RPH3A: variants seen among roughly 807,000 people sequenced by gnomAD.
RPH3A encodes the protein rabphilin 3A.
RPH3A carries 48 observed loss-of-function variants against 102.2 expected under a neutral mutation model. The ratio of observed to expected loss-of-function variants is 0.47; its 90% CI spans 0.37 to 0.60. The LOEUF is 0.60. Ranked by LOEUF, RPH3A falls within the 20% of genes least tolerant of loss-of-function variation. RPH3A has a pLI of 0.00. For missense variants in RPH3A, 781 were observed against 910.1 expected, an observed-to-expected ratio of 0.86 and a Z score of 1.83; for synonymous variants, 310 against 324.3, an observed-to-expected ratio of 0.96 and a Z score of 0.47.
intron 1 of RPH3A, among the ~76,000 whole-genome samples, chr12:112,592,949 A>C (rs974633192): frequency 2.6e-5 from 4 of 152,180 alleles, no homozygotes; most frequent in African/African-American, 4.8e-5. Context: ...TGAAGGCCTC[A>C]TGGTGAAAAT....
Position 112,875,681 on chromosome 12 carries a change from A to G in RPH3A, c.886A>G (p.Thr296Ala). The change falls in exon 12 of 22, where the codon ACC becomes GCC. Residue 296 changes from threonine (T) to alanine (A), a missense_variant and splice_region_variant. By Grantham distance (58) the Thr-to-Ala change is moderately conservative. Around this residue, in one of 2 missense-constraint regions of RPH3A, gnomAD observed 730 missense variants for 810.0 expected, o/e 0.90. Coordinates refer to ENST00000389385, the MANE Select transcript of RPH3A (RefSeq NM_001143854.2). The stretch of plus-strand genomic sequence containing the variant: ...GTTTGTCTCCTCTCCCTGCTCAGGG[A>G]CCCCAGGAGGAAGCAGACCGGGTCC... ...PAPPQPGQPG[T>A]PGGSRPGPGP... 6.2e-7 allele frequency: 1 copy of G among 1,613,200 alleles called. No homozygotes were observed. Among genetic ancestry groups the G allele is most frequent in the Non-Finnish European group, 8.5e-7 (1 of 1,179,582 alleles).
At chr12:112,825,194 T>G (rs560096460) in intron 2 of RPH3A, among the ~76,000 whole-genome samples, 2 of 152,134 alleles carry the variant, frequency 1.3e-5, no homozygotes, top group African/African-American at 4.8e-5. Flanking sequence ...ACAGGAGCTG[T>G]CTCTCCTTTC....
intron 2 of RPH3A, among the ~76,000 whole-genome samples, chr12:112,818,578 G>A (rs2041721037): frequency 6.6e-6 from 1 of 152,082 alleles, no homozygotes; most frequent in South Asian, 2.1e-4. Context: ...CATAGTTCCA[G>A]CAAAAGACCA....
intron 1 of RPH3A, among the ~76,000 whole-genome samples, chr12:112,672,815 G>T (rs1403803329): frequency 6.6e-6 from 1 of 152,172 alleles, no homozygotes; most frequent in Non-Finnish European, 1.5e-5. Context: ...CGCTTCCGAA[G>T]AGACCTTGCA....
intron 1 of RPH3A, among the ~76,000 whole-genome samples, chr12:112,715,905 G>A (rs772954241): frequency 2.0e-5 from 3 of 152,164 alleles, no homozygotes; most frequent in Non-Finnish European, 4.4e-5. Flanking sequence ...GCTAAACAAG[G>A]GGTGGATTAT....
At position 112,846,870 on chromosome 12, in the gene RPH3A, C is replaced by T. The variant is rs545274501; in HGVS notation, c.84-826C>T. Among the ~76,000 whole-genome samples, 45 of 152,324 alleles carry T rather than the reference C, an allele frequency of 3.0e-4. 1 individual carries two copies. The highest frequency in any genetic ancestry group is 1.0e-3 in the African/African-American group (43 of 41,574). ...CCGGGGCCACAGATCCCATTCTTTC[C>T]GTCTCATGGAGGGTAACTGTGCAGG... On this transcript the variant is annotated intron_variant, in intron 4 of 21. Transcript: ENST00000389385.
intron 4 of RPH3A, among the ~76,000 whole-genome samples, chr12:112,843,970 G>A (rs957502104): frequency 1.3e-5 from 2 of 152,098 alleles, no homozygotes; most frequent in African/African-American, 4.8e-5. Flanking sequence ...AGGGATATTG[G>A]CACACCAAAT....
At chr12:112,599,871 G>T (rs2039546222) in intron 1 of RPH3A, among the ~76,000 whole-genome samples, 1 of 152,148 alleles carries the variant, frequency 6.6e-6, no homozygotes, top group African/African-American at 2.4e-5. Flanking sequence ...TGGTTAATAG[G>T]CACATCATTT....
intron 1 of RPH3A, among the ~76,000 whole-genome samples, chr12:112,621,356 G>T (rs528740818): frequency 6.7e-6 from 1 of 150,014 alleles, no homozygotes; most frequent in African/African-American, 2.5e-5. Context: ...TGCGCGCACC[G>T]TGCGCGAGCC....
At chr12:112,721,725 A>T (rs2040552342) in intron 1 of RPH3A, among the ~76,000 whole-genome samples, 1 of 150,856 alleles carries the variant, frequency 6.6e-6, no homozygotes, top group Non-Finnish European at 1.5e-5. Context: ...GTGCATACTT[A>T]TTGGAACCTA....
At chr12:112,830,627 C>T (rs894847523) in intron 3 of RPH3A, among the ~76,000 whole-genome samples, 18 of 152,194 alleles carry the variant, frequency 1.2e-4, no homozygotes, top group Admixed American at 2.6e-4. Flanking sequence ...ATGGATCTGT[C>T]AATTTCCCCT....
intron 1 of RPH3A, among the ~76,000 whole-genome samples, chr12:112,672,563 G>A (rs1205449408): frequency 6.6e-6 from 1 of 152,258 alleles, no homozygotes; most frequent in Non-Finnish European, 1.5e-5. Context: ...TTGGCTCATG[G>A]CACACAGCTG....
At chr12:112,842,086 G>C (rs1039043894) in intron 4 of RPH3A, 1 of 453,868 alleles carries the variant, frequency 2.2e-6, no homozygotes, top group South Asian at 1.6e-5. Flanking sequence ...CATTCCATTG[G>C]GTTCTTCCCA....
intron 6 of RPH3A, among the ~76,000 whole-genome samples, chr12:112,865,934 C>T (rs940336572): frequency 3.4e-4 from 52 of 152,322 alleles, no homozygotes; most frequent in Admixed American, 3.1e-3. Flanking sequence ...TCAGTTTTCT[C>T]GTATCCTGGG....
chr12:112,819,139 T>C (rs1018709647), intron 2 of RPH3A, among the ~76,000 whole-genome samples: 4 of 152,052 alleles, frequency 2.6e-5, no homozygotes, highest in African/African-American at 9.7e-5. Context: ...GGACTCTCAC[T>C]CTGTCACCCA....
chr12:112,658,697 G>T (rs774900358), intron 1 of RPH3A, among the ~76,000 whole-genome samples: 1 of 152,172 alleles, frequency 6.6e-6, no homozygotes, highest in Non-Finnish European at 1.5e-5. Context: ...CTGATGGATC[G>T]TATGGCTTGT....
At chr12:112,656,562 A>T (rs539635122) in intron 1 of RPH3A, among the ~76,000 whole-genome samples, 1 of 152,146 alleles carries the variant, frequency 6.6e-6, no homozygotes, top group South Asian at 2.1e-4. Context: ...TTCAATACTC[A>T]ATCCCTTCCC....
At chr12:112,626,822 A>G (rs1321166652) in intron 1 of RPH3A, among the ~76,000 whole-genome samples, 1 of 69,340 alleles carries the variant, frequency 1.4e-5, no homozygotes, top group East Asian at 4.3e-4. Flanking sequence ...ATGTCCAACA[A>G]TGATAGACTG....
At chr12:112,830,802 T>C (rs2041959019) in intron 3 of RPH3A, among the ~76,000 whole-genome samples, 1 of 152,108 alleles carries the variant, frequency 6.6e-6, no homozygotes, top group Admixed American at 6.5e-5. Context: ...TAGTTTTTTT[T>C]TTATCATTTT....
Sources: allele counts gnomAD v4.1 joint callset (sites outside exome capture counted in the v4.1 genomes callset), GRCh38; gene constraint gnomAD v4.1.1; regional missense constraint gnomAD v4.1.1; transcripts MANE v1.5; gene names NCBI Gene and HGNC (gene_info 2026-07-23, HGNC 2026-07-21).